The following DIAPH2 variants were observed in gnomAD, a reference collection of about 807,000 sequenced individuals.
The protein encoded by DIAPH2 is diaphanous related formin 2.
A neutral mutation model predicts 92.7 loss-of-function variants in DIAPH2; 35 were observed. The observed-to-expected ratio is 0.38, with a 90% CI of 0.29 to 0.50. DIAPH2 has a LOEUF of 0.50. DIAPH2 is among the 20% of genes least tolerant of loss of function. The pLI, the probability that DIAPH2 is intolerant of heterozygous loss-of-function variation, is 0.94. For synonymous variants in DIAPH2, 301 were observed against 280.4 expected, an observed-to-expected ratio of 1.07 and a Z score of -0.73; for missense variants, 701 against 819.5, an observed-to-expected ratio of 0.86 and a Z score of 1.77.
chrX:97,414,794 C>T (rs1377204154), intron 25 of DIAPH2, among the ~76,000 whole-genome samples: 2 of 111,417 alleles, frequency 1.8e-5, no homozygotes, highest in African/African-American at 6.5e-5. Context: ...CCATTCAGGA[C>T]ATGGGCATGG....
chrX:97,326,808 A>T (rs1602510408), intron 23 of DIAPH2, among the ~76,000 whole-genome samples: 1 of 112,410 alleles, frequency 8.9e-6, no homozygotes, highest in East Asian at 2.8e-4. Flanking sequence ...ATGGTAATTG[A>T]TGCACACCTG....
intron 16 of DIAPH2, among the ~76,000 whole-genome samples, chrX:96,962,312 C>CATATATATATACAT (rs2065857277): frequency 1.7e-5 from 1 of 59,532 alleles, no homozygotes; most frequent in African/African-American, 7.8e-5. Flanking sequence ...TATATATATA[C>CATATATATATACAT]ATATATATAT....
chrX:97,299,210 C>T (rs955005663), intron 23 of DIAPH2, among the ~76,000 whole-genome samples: 1 of 111,560 alleles, frequency 9.0e-6, no homozygotes, highest in African/African-American at 3.3e-5. Context: ...TAGTATAAAG[C>T]ACATGGTATC....
intron 26 of DIAPH2, among the ~76,000 whole-genome samples, chrX:97,509,589 T>C (rs1354626134): frequency 2.9e-5 from 3 of 103,172 alleles, no homozygotes; most frequent in African/African-American, 1.1e-4. Context: ...ACATGTGCCA[T>C]GCTGGTGTGC....
At chrX:96,917,844 G>C (rs1297015742) in intron 8 of DIAPH2, among the ~76,000 whole-genome samples, 1 of 110,414 alleles carries the variant, frequency 9.1e-6, no homozygotes, top group Non-Finnish European at 1.9e-5. Flanking sequence ...ACTCTTTCCA[G>C]AACTTTATTA....
At chrX:96,872,499 T>C (rs2065150477) in intron 4 of DIAPH2, among the ~76,000 whole-genome samples, 1 of 106,122 alleles carries the variant, frequency 9.4e-6, no homozygotes, top group Non-Finnish European at 1.9e-5. Flanking sequence ...TTTTCTTTTT[T>C]TTTTTTTTTT....
intron 24 of DIAPH2, among the ~76,000 whole-genome samples, chrX:97,358,780 G>A (rs2147702752): frequency 9.0e-6 from 1 of 111,282 alleles, no homozygotes; most frequent in South Asian, 3.8e-4. Context: ...ACTGTCGACT[G>A]CAATTCCACT....
chrX:97,112,568 CTT>C (rs1457144220), intron 20 of DIAPH2, among the ~76,000 whole-genome samples: 2 of 109,859 alleles, frequency 1.8e-5, no homozygotes, highest in African/African-American at 3.3e-5. Flanking sequence ...GAGACATAGA[CTT>C]TGATGCGATT....
intron 26 of DIAPH2, among the ~76,000 whole-genome samples, chrX:97,487,256 T>A (rs1478736039): frequency 9.0e-6 from 1 of 111,700 alleles, no homozygotes; most frequent in Non-Finnish European, 1.9e-5. Context: ...CAATTTGAGA[T>A]CCTGCTGTCA....
intron 25 of DIAPH2, among the ~76,000 whole-genome samples, chrX:97,400,031 T>A (rs1165845720): frequency 2.7e-5 from 3 of 112,252 alleles, no homozygotes; most frequent in African/African-American, 9.7e-5. Context: ...AAAGCACACA[T>A]GAATTTGGAC....
intron 22 of DIAPH2, among the ~76,000 whole-genome samples, chrX:97,159,700 T>G (rs1474265649): frequency 8.9e-6 from 1 of 112,475 alleles, no homozygotes; most frequent in Non-Finnish European, 1.9e-5. Context: ...TCGGTTTCTT[T>G]TGAATTAATC....
At chrX:96,849,160 A>G (rs2064991564) in intron 4 of DIAPH2, among the ~76,000 whole-genome samples, 1 of 110,844 alleles carries the variant, frequency 9.0e-6, no homozygotes, top group African/African-American at 3.3e-5. Flanking sequence ...TGTGAAGCAC[A>G]AGCTTTATTT....
chrX:96,926,843 G>A (rs757034497), intron 9 of DIAPH2, among the ~76,000 whole-genome samples: 3 of 111,460 alleles, frequency 2.7e-5, no homozygotes, highest in Non-Finnish European at 5.7e-5. Flanking sequence ...CCTAGCATAT[G>A]TATTAATAAT....
chrX:97,285,565 G>A (rs1469796380), intron 23 of DIAPH2, among the ~76,000 whole-genome samples: 9 of 110,278 alleles, frequency 8.2e-5, no homozygotes, highest in African/African-American at 2.6e-4. Flanking sequence ...AGCATAACCC[G>A]TAGACTAGGA....
At chrX:97,590,539 C>T (rs191783707) in intron 26 of DIAPH2, among the ~76,000 whole-genome samples, 196 of 112,416 alleles carry the variant, frequency 1.7e-3, no homozygotes, top group Non-Finnish European at 3.4e-3. Flanking sequence ...AGAGAAATGG[C>T]TGATGCCTAC....
At chrX:97,383,647 T>C (rs141763200) in intron 24 of DIAPH2, among the ~76,000 whole-genome samples, 1,329 of 107,845 alleles carry the variant, frequency 0.012, 29 homozygotes, top group African/African-American at 0.043. Flanking sequence ...TAAATCTTTT[T>C]TCAAGAAGAG....
chrX:97,037,068 A>G (rs985808970), intron 17 of DIAPH2, among the ~76,000 whole-genome samples: 1 of 111,531 alleles, frequency 9.0e-6, no homozygotes, highest in Non-Finnish European at 1.9e-5. Context: ...AAGTTACACA[A>G]CTTTTAAGTG....
intron 5 of DIAPH2, among the ~76,000 whole-genome samples, chrX:96,906,800 G>A (rs186245951): frequency 1.6e-4 from 18 of 111,952 alleles, no homozygotes; most frequent in Admixed American, 1.3e-3. Context: ...TTTTTGAGCA[G>A]CGTAACAGAT....
chrX:97,052,855 G>T lies in DIAPH2; in HGVS notation c.2051-20086G>T, dbSNP rs1412764969. Among the ~76,000 whole-genome samples, 4 of 111,155 alleles carry T rather than the reference G, an allele frequency of 3.6e-5. No homozygotes were observed. The East Asian group carries it at 1.1e-3, about 31-fold the overall frequency. On this transcript the variant is annotated intron_variant, in intron 17 of 26. Transcript: ENST00000324765. The stretch of plus-strand genomic sequence containing the variant: ...GAGGAGATTTATGTTTGCTTTTGCT[G>T]GGTTGCAAAACCAACCTAGGCTGAT...
Sources: gnomAD v4.1 joint callset for allele counts (sites outside exome capture counted in the v4.1 genomes callset) on GRCh38, gnomAD v4.1.1 for gene constraint, MANE v1.5 for transcripts, NCBI Gene and HGNC (gene_info 2026-07-23, HGNC 2026-07-21) for gene names.